Variants in ANKRD10 observed in about 807,000 individuals in gnomAD.
The protein encoded by ANKRD10 is ankyrin repeat domain 10, also known as ankyrin repeat domain-containing protein 10.
In ANKRD10, 14 loss-of-function variants were observed where a neutral mutation model predicts 27.0. The ratio of observed to expected loss-of-function variants is 0.52; its 90% CI spans 0.34 to 0.81. The LOEUF (loss-of-function observed/expected upper bound fraction) is 0.81, where lower values mean the gene tolerates loss of function less well. Among genes scored for constraint, ANKRD10 ranks in the 40% least tolerant of loss-of-function variants. ANKRD10 has a pLI of 0.01. For missense variants in ANKRD10, 493 were observed against 544.0 expected (o/e 0.91, Z 0.93); for synonymous variants, 250 against 224.5 (o/e 1.11, Z -1.01).
intron 3 of ANKRD10, among the ~76,000 whole-genome samples, chr13:110,898,878 C>G (rs990610773): frequency 2.0e-5 from 3 of 151,542 alleles, no homozygotes; most frequent in African/African-American, 7.3e-5. Flanking sequence ...GCTTCAGCCT[C>G]CCGAGTAGCT....
intron 3 of ANKRD10, among the ~76,000 whole-genome samples, chr13:110,899,666 C>T (rs1399548266): frequency 2.0e-5 from 3 of 152,180 alleles, no homozygotes; most frequent in Non-Finnish European, 2.9e-5. Flanking sequence ...GTGCTTTTAT[C>T]TATAAATTCA....
chr13:110,892,043 T>G (rs992943559), intron 4 of ANKRD10, among the ~76,000 whole-genome samples: 1 of 151,618 alleles, frequency 6.6e-6, no homozygotes, highest in Non-Finnish European at 1.5e-5. Context: ...TATAGATGAT[T>G]TTCCTATAGG....
chr13:110,880,803 G>A lies in ANKRD10; in HGVS notation c.788-691C>T, dbSNP rs367716385. On this transcript the variant is annotated intron_variant, in intron 5 of 5. Coordinates refer to ENST00000267339, the MANE Select transcript of ANKRD10 (RefSeq NM_017664.4). Reference sequence around the variant, plus strand: ...AGCAGTGGCAGAATACAGAGAGACCGGCGACCACAGCAAGGAACTGTAACG... The same window carrying A: ...AGCAGTGGCAGAATACAGAGAGACCAGCGACCACAGCAAGGAACTGTAACG... Among the ~76,000 whole-genome samples, 23 of 152,230 alleles carry A rather than the reference G, an allele frequency of 1.5e-4. No homozygotes were observed. In the East Asian group the frequency reaches 1.7e-3, roughly 12 times the overall value.
chr13:110,891,957 C>T (rs890656999), intron 4 of ANKRD10, among the ~76,000 whole-genome samples: 1 of 148,900 alleles, frequency 6.7e-6, no homozygotes, highest in Non-Finnish European at 1.5e-5. Flanking sequence ...AAGTAATCCT[C>T]CTGCCTCAGC....
chr13:110,914,258 C>T (rs1030057680), intron 1 of ANKRD10, among the ~76,000 whole-genome samples: 2 of 152,178 alleles, frequency 1.3e-5, no homozygotes, highest in Admixed American at 6.5e-5. Context: ...GGGCATTCCC[C>T]GCGCGCCTCT....
intron 3 of ANKRD10, 46 bp from the exon 4 acceptor site, chr13:110,893,309 C>T (rs2065132708): frequency 1.3e-6 from 2 of 1,580,942 alleles, no homozygotes; most frequent in Non-Finnish European, 1.7e-6. Flanking sequence ...CGCGTGCTAA[C>T]CTGGTCTCTG....
intron 4 of ANKRD10, chr13:110,892,707 A>G: frequency 9.9e-7 from 1 of 1,008,202 alleles, no homozygotes; most frequent in Non-Finnish European, 1.2e-6. Context: ...GCACAGTGGC[A>G]GATTTTCTTT....
In ANKRD10 at chr13:110,910,654, G is replaced by T; in HGVS notation, c.327C>A (p.Val109=). ...AAFGGHPQCL[V]WLIQAGANIN... ...TGTTGGCTCCTGCTTGAATCAGCCA[G>T]ACCAGGCACTGAGGATGTCCCCCAA... Residue 109 remains valine (V), a synonymous_variant, in exon 2 of 6, where the codon GTC becomes GTA. Transcript: ENST00000267339. 1 of 1,614,158 alleles carries T rather than the reference G, an allele frequency of 6.2e-7. No homozygotes were observed. Among genetic ancestry groups the T allele is most frequent in the South Asian group, 1.1e-5 (1 of 91,072 alleles).
chr13:110,881,536 T>C (rs5806876), intron 5 of ANKRD10, among the ~76,000 whole-genome samples: 6 of 145,610 alleles, frequency 4.1e-5, no homozygotes, highest in East Asian at 4.0e-4. Flanking sequence ...AGATTTTTTT[T>C]CCCCCAAATT....
chr13:110,911,226 G>C (rs1050641770), intron 1 of ANKRD10, among the ~76,000 whole-genome samples: 1 of 152,056 alleles, frequency 6.6e-6, no homozygotes, highest in Admixed American at 6.5e-5. Flanking sequence ...AAGGCGGGTG[G>C]ATCACTTGAG....
At position 110,910,818 on chromosome 13, in the gene ANKRD10, C is replaced by T. The variant is rs761571172; in HGVS notation, c.211-48G>A. 1.9e-6 allele frequency: 3 copies of T among 1,555,408 alleles called. No homozygotes were observed. In the South Asian group the frequency reaches 3.5e-5, roughly 18 times the overall value. On this transcript the variant is annotated intron_variant, in intron 1 of 5. Transcript: ENST00000267339. ...GAAAACACGCAGACATGTCAGTACACTATTCAATATTACATGAATAATCGA... is the reference window on the plus strand; with the variant it reads ...GAAAACACGCAGACATGTCAGTACATTATTCAATATTACATGAATAATCGA...
At chr13:110,900,575 T>C in intron 3 of ANKRD10, 1 of 1,351,336 alleles carries the variant, frequency 7.4e-7, no homozygotes, top group Non-Finnish European at 9.8e-7. Flanking sequence ...TACTGAACAT[T>C]CAATGCCACA....
chr13:110,903,265 A>G (rs913158100), intron 3 of ANKRD10, among the ~76,000 whole-genome samples: 6 of 152,188 alleles, frequency 3.9e-5, no homozygotes, highest in Admixed American at 3.9e-4. Context: ...AACTCCATAC[A>G]CAGAGATTTA....
At chr13:110,883,878 G>A (rs1200482609) in intron 4 of ANKRD10, 85 bp from the exon 5 acceptor site, 5 of 1,454,282 alleles carry the variant, frequency 3.4e-6, no homozygotes, top group East Asian at 5.1e-5. Context: ...TATTTTGTGT[G>A]AGCACTGAAC....
chr13:110,886,551 A>G (rs935448958), intron 4 of ANKRD10, among the ~76,000 whole-genome samples: 1 of 152,186 alleles, frequency 6.6e-6, no homozygotes, highest in African/African-American at 2.4e-5. Context: ...ATTGGCTGGT[A>G]GAGATATTAA....
chr13:110,880,262 G>A (rs998054803), intron 5 of ANKRD10, 150 bp from the exon 6 acceptor site: 3 of 693,418 alleles, frequency 4.3e-6, no homozygotes, highest in African/African-American at 3.6e-5. Flanking sequence ...AAATCAATGT[G>A]CATAAGTAGA....
At chr13:110,905,669 G>T (rs747241640) in intron 3 of ANKRD10, among the ~76,000 whole-genome samples, 24 of 152,332 alleles carry the variant, frequency 1.6e-4, no homozygotes, top group Middle Eastern at 3.4e-3. Context: ...CAAGCTTCTT[G>T]TTTTGAAATC....
At chr13:110,893,322 C>A in intron 3 of ANKRD10, 59 bp from the exon 4 acceptor site, 1 of 1,522,316 alleles carries the variant, frequency 6.6e-7, no homozygotes, top group Non-Finnish European at 9.0e-7. Context: ...GGTCTCTGCT[C>A]CTGCTGAACT....
chr13:110,879,416 T>G lies in ANKRD10; in HGVS notation c.*221A>C. 2 of 523,568 alleles carry G rather than the reference T, an allele frequency of 3.8e-6. No individual in the cohort carries two copies. Among genetic ancestry groups the G allele is most frequent in the East Asian group, 3.0e-5 (1 of 33,722 alleles). The allele number at this position is 523,568 out of a possible 1,614,324, so 32.4% of individuals were successfully genotyped here. A position where few individuals can be genotyped will look rare whatever the true frequency, so the allele number is the denominator to read the frequency against. ...AGAAAAACTCCAAAAGTGCACCTTA[T>G]AAAAAGGACACCTCACTGTAGAAAC... On this transcript the variant is annotated 3_prime_UTR_variant, in exon 6 of 6. Coordinates refer to ENST00000267339, the MANE Select transcript of ANKRD10 (RefSeq NM_017664.4).
Sources: allele counts gnomAD v4.1 joint callset (sites outside exome capture counted in the v4.1 genomes callset), GRCh38; gene constraint gnomAD v4.1.1; transcripts MANE v1.5; gene names NCBI Gene and HGNC (gene_info 2026-07-23, HGNC 2026-07-21).